The following SORBS2 variants were observed in gnomAD, a reference collection of about 807,000 sequenced individuals.
The protein encoded by SORBS2 is sorbin and SH3 domain-containing protein 2.
A neutral mutation model predicts 97.7 loss-of-function variants in SORBS2; 46 were observed. The observed-to-expected ratio is 0.47, with a 90% CI of 0.37 to 0.60. The LOEUF (loss-of-function observed/expected upper bound fraction) is 0.60. Among genes scored for constraint, SORBS2 ranks in the 20% least tolerant of loss-of-function variants. SORBS2 has a pLI of 0.00. For missense variants in SORBS2, 1,316 were observed against 1,282.3 expected (o/e 1.03, Z -0.40); for synonymous variants, 476 against 473.4 (o/e 1.01, Z -0.07).
At chr4:185,711,045 C>T (rs2098416091) in intron 2 of SORBS2, among the ~76,000 whole-genome samples, 1 of 152,182 alleles carries the variant, frequency 6.6e-6, no homozygotes, top group African/African-American at 2.4e-5. Context: ...TTATGGCTCA[C>T]TGCAGCCTTG....
intron 2 of SORBS2, among the ~76,000 whole-genome samples, chr4:185,742,972 G>A (rs1193404820): frequency 6.6e-6 from 1 of 152,068 alleles, no homozygotes; most frequent in Non-Finnish European, 1.5e-5. Context: ...AGAGCCCCGC[G>A]GGCACAGCGA....
At chr4:185,741,551 T>G (rs558185016) in intron 2 of SORBS2, among the ~76,000 whole-genome samples, 8 of 151,978 alleles carry the variant, frequency 5.3e-5, no homozygotes, top group African/African-American at 1.9e-4. Context: ...GTATTTTTAG[T>G]ACAGATGGAG....
rs745701898 is a variant in SORBS2 at position 185,620,158 on chromosome 4, G to A, written c.2216-7C>T. Reference sequence around the variant, plus strand: ...CTTCTAGGGGACTCACGGTCTATTGGAAAGAACAGGGCCAGTCATGGTGAG... The same window carrying A: ...CTTCTAGGGGACTCACGGTCTATTGAAAAGAACAGGGCCAGTCATGGTGAG... On this transcript the variant is annotated splice_region_variant and splice_polypyrimidine_tract_variant and intron_variant, in intron 7 of 14. Transcript: ENST00000418609. The A allele has an allele frequency of 6.4e-7, 1 of 1,566,786 alleles. No homozygotes were observed. The highest frequency in any genetic ancestry group is 1.1e-5 in the South Asian group (1 of 90,220).
At chr4:185,624,259 A>T in exon 7 of SORBS2, 1 of 1,614,118 alleles carries the variant, frequency 6.2e-7, no homozygotes, top group Non-Finnish European at 8.5e-7. Context: ...CGTTTAGGAG[A>T]TCGTCACAGC....
rs528789190 is a variant in SORBS2, at chr4:185,609,464, C to T, written c.2796+2316G>A. On this transcript the variant is annotated intron_variant, in intron 12 of 14. Transcript: ENST00000418609. The stretch of plus-strand genomic sequence containing the variant: ...CGACTACGCTGTGCCGTCACCACCA[C>T]AGTCACCGAAATACATGTCAGCAGG... Among the ~76,000 whole-genome samples, 34 of 152,354 alleles carry T rather than the reference C, an allele frequency of 2.2e-4. No homozygotes were observed. In the Middle Eastern group the frequency reaches 0.01, roughly 46 times the overall value.
At chr4:185,603,207 T>C (rs1195130606) in intron 12 of SORBS2, among the ~76,000 whole-genome samples, 4 of 152,108 alleles carry the variant, frequency 2.6e-5, no homozygotes, top group African/African-American at 9.7e-5. Context: ...CTAAGGCTAC[T>C]TTCCCTCTTA....
intron 2 of SORBS2, among the ~76,000 whole-genome samples, chr4:185,733,012 C>T (rs1044994845): frequency 3.3e-5 from 5 of 152,204 alleles, no homozygotes; most frequent in Non-Finnish European, 5.9e-5. Context: ...AGGAAGGATT[C>T]GCTGCTGGAG....
chr4:185,595,568 T>G (rs1348101394), intron 12 of SORBS2, among the ~76,000 whole-genome samples: 1 of 152,152 alleles, frequency 6.6e-6, no homozygotes, highest in Non-Finnish European at 1.5e-5. Context: ...GTATAAAACT[T>G]TCATGCAGAA....
chr4:185,921,632 A>G (rs1186755942), intron 1 of SORBS2, among the ~76,000 whole-genome samples: 2 of 152,224 alleles, frequency 1.3e-5, no homozygotes, highest in African/African-American at 4.8e-5. Context: ...GACGAAGTAG[A>G]AAGTATATTT....
intron 1 of SORBS2, among the ~76,000 whole-genome samples, chr4:185,784,495 G>A (rs1419276514): frequency 6.6e-6 from 1 of 152,114 alleles, no homozygotes; most frequent in Non-Finnish European, 1.5e-5. Context: ...GTCATTCTGT[G>A]GGGGTGCATG....
intron 1 of SORBS2, among the ~76,000 whole-genome samples, chr4:185,942,641 G>A (rs908116252): frequency 4.6e-5 from 7 of 152,112 alleles, no homozygotes; most frequent in East Asian, 1.9e-4. Context: ...GAGCCACCGC[G>A]CATGGCCCCA....
At chr4:185,690,005 T>C (rs964176817) in intron 2 of SORBS2, among the ~76,000 whole-genome samples, 2 of 152,236 alleles carry the variant, frequency 1.3e-5, no homozygotes, top group African/African-American at 4.8e-5. Flanking sequence ...TGAACACTTT[T>C]ACAGTTAAAA....
At chr4:185,745,296 G>T (rs1267975199) in intron 2 of SORBS2, among the ~76,000 whole-genome samples, 7 of 152,280 alleles carry the variant, frequency 4.6e-5, no homozygotes, top group African/African-American at 1.4e-4. Flanking sequence ...CCTGAACATG[G>T]CCAGTAAGAA....
intron 1 of SORBS2, among the ~76,000 whole-genome samples, chr4:185,859,734 A>G (rs1378718784): frequency 1.3e-5 from 2 of 152,190 alleles, no homozygotes; most frequent in African/African-American, 2.4e-5. Flanking sequence ...CTCACCGCCC[A>G]GGGCACAATG....
intron 1 of SORBS2, among the ~76,000 whole-genome samples, chr4:185,940,165 A>G (rs1179370926): frequency 6.6e-6 from 1 of 152,038 alleles, no homozygotes; most frequent in African/African-American, 2.4e-5. Context: ...TCCTTTGGTG[A>G]TCTCAGAAGG....
intron 1 of SORBS2, among the ~76,000 whole-genome samples, chr4:185,833,075 G>T (rs549658549): frequency 6.6e-6 from 1 of 152,248 alleles, no homozygotes; most frequent in African/African-American, 2.4e-5. Context: ...GAACATTTTT[G>T]TTATCACATT....
At chr4:185,862,816 G>A (rs889104440) in intron 1 of SORBS2, among the ~76,000 whole-genome samples, 1 of 152,152 alleles carries the variant, frequency 6.6e-6, no homozygotes, top group Non-Finnish European at 1.5e-5. Flanking sequence ...GGTGGTGGTG[G>A]GGCTGTCTTC....
chr4:185,836,673 C>A (rs2153675521), intron 1 of SORBS2, among the ~76,000 whole-genome samples: 1 of 152,184 alleles, frequency 6.6e-6, no homozygotes, highest in South Asian at 2.1e-4. Context: ...GGTCTCTATT[C>A]AAACCCAGCT....
At chr4:185,886,828 T>A (rs2099239909) in intron 1 of SORBS2, among the ~76,000 whole-genome samples, 1 of 151,504 alleles carries the variant, frequency 6.6e-6, no homozygotes, top group Admixed American at 6.6e-5. Context: ...AAGGACAATA[T>A]CACCCTTTTC....
Sources: gnomAD v4.1 joint callset for allele counts (sites outside exome capture counted in the v4.1 genomes callset) on GRCh38, gnomAD v4.1.1 for gene constraint, MANE v1.5 for transcripts, NCBI Gene and HGNC (gene_info 2026-07-23, HGNC 2026-07-21) for gene names.